Variants in PPM1H observed in about 807,000 individuals in gnomAD.
The protein encoded by PPM1H is protein phosphatase 1H.
Under a neutral mutation model 54.9 loss-of-function variants are expected in PPM1H, and 27 were observed. The observed-to-expected ratio is 0.49, with a 90% confidence interval of 0.36 to 0.68. The LOEUF (loss-of-function observed/expected upper bound fraction) is 0.68, where lower values mean the gene tolerates loss of function less well. Among genes scored for constraint, PPM1H ranks in the 30% least tolerant of loss-of-function variants. PPM1H has a pLI of 0.00. For synonymous variants in PPM1H, 305 were observed against 270.8 expected (o/e 1.13, Z -1.24); for missense variants, 596 against 667.8 (o/e 0.89, Z 1.19).
intron 8 of PPM1H, among the ~76,000 whole-genome samples, chr12:62,688,080 T>C (rs17676677): frequency 0.012 from 1,846 of 152,186 alleles, 24 homozygotes; most frequent in Non-Finnish European, 0.019. Context: ...TCCTGACTTA[T>C]GCCTTCCTGA....
intron 6 of PPM1H, among the ~76,000 whole-genome samples, chr12:62,695,918 A>G (rs4763191): frequency 0.067 from 10,249 of 152,220 alleles, 420 homozygotes; most frequent in Admixed American, 0.1. Context: ...CCGCACAGAG[A>G]GGATGCAGCA....
At chr12:62,843,320 AAAAC>A (rs144304577) in intron 1 of PPM1H, among the ~76,000 whole-genome samples, 13 of 152,118 alleles carry the variant, frequency 8.5e-5, no homozygotes, top group East Asian at 3.8e-4. Flanking sequence ...CTGTCTCAAA[AAAAC>A]AAACAAACAA....
intron 1 of PPM1H, among the ~76,000 whole-genome samples, chr12:62,880,312 T>A (rs1035207222): frequency 3.9e-5 from 6 of 152,220 alleles, no homozygotes; most frequent in African/African-American, 1.2e-4. Context: ...CCAGGATGAT[T>A]GTTGGGGCAG....
intron 1 of PPM1H, among the ~76,000 whole-genome samples, chr12:62,889,659 G>C (rs1870714950): frequency 6.6e-6 from 1 of 152,270 alleles, no homozygotes; most frequent in Middle Eastern, 3.4e-3. Flanking sequence ...AAAGGAGCAA[G>C]AGCAATACAA....
At chr12:62,866,656 T>A (rs1246533031) in intron 1 of PPM1H, among the ~76,000 whole-genome samples, 1 of 152,126 alleles carries the variant, frequency 6.6e-6, no homozygotes, top group Admixed American at 6.5e-5. Flanking sequence ...CAGATGCCTA[T>A]GACTCCAGCT....
chr12:62,717,290 A>C (rs2076239987), intron 6 of PPM1H, among the ~76,000 whole-genome samples: 1 of 152,266 alleles, frequency 6.6e-6, no homozygotes, highest in Admixed American at 6.5e-5. Context: ...GTGAGCCAAC[A>C]GCCGTTTGGG....
chr12:62,665,738 ATTTT>A (rs2075914439), intron 9 of PPM1H, among the ~76,000 whole-genome samples: 1 of 151,848 alleles, frequency 6.6e-6, no homozygotes, highest in African/African-American at 2.4e-5. Flanking sequence ...AATGCTTTAA[ATTTT>A]TTTGTTTGTT....
intron 1 of PPM1H, among the ~76,000 whole-genome samples, chr12:62,843,224 G>T (rs562691944): frequency 6.6e-6 from 1 of 152,190 alleles, no homozygotes; most frequent in Non-Finnish European, 1.5e-5. Flanking sequence ...GCTGAGGCAC[G>T]AGAATTGCTT....
chr12:62,685,251 T>C (rs568141505), intron 8 of PPM1H, among the ~76,000 whole-genome samples: 2 of 152,318 alleles, frequency 1.3e-5, no homozygotes, highest in South Asian at 2.1e-4. Context: ...ACCATCATTT[T>C]CCACAACTTC....
intron 8 of PPM1H, among the ~76,000 whole-genome samples, chr12:62,679,868 G>C (rs1056003619): frequency 6.6e-6 from 1 of 152,150 alleles, no homozygotes; most frequent in African/African-American, 2.4e-5. Context: ...TTCTTAATTA[G>C]CTAAACAGCT....
intron 6 of PPM1H, among the ~76,000 whole-genome samples, chr12:62,716,314 C>T (rs772952144): frequency 7.9e-5 from 12 of 152,296 alleles, no homozygotes; most frequent in Non-Finnish European, 1.6e-4. Context: ...TAGCTCTGTG[C>T]CTCAGTTTCC....
intron 1 of PPM1H, among the ~76,000 whole-genome samples, chr12:62,835,746 C>A (rs1225600900): frequency 6.6e-6 from 1 of 151,864 alleles, no homozygotes; most frequent in Non-Finnish European, 1.5e-5. Context: ...AAAAATGCCA[C>A]AACTCTTATC....
intron 9 of PPM1H, among the ~76,000 whole-genome samples, chr12:62,658,049 C>A (rs1231295296): frequency 9.9e-6 from 1 of 101,258 alleles, no homozygotes; most frequent in Non-Finnish European, 1.9e-5. Context: ...TCATTAAATC[C>A]AGGTTACAAA....
At chr12:62,826,413 C>A (rs1868291918) in intron 2 of PPM1H, among the ~76,000 whole-genome samples, 2 of 152,156 alleles carry the variant, frequency 1.3e-5, no homozygotes, top group African/African-American at 4.8e-5. Context: ...TATGCCACTG[C>A]ACTCCAGCCT....
At chr12:62,925,947 C>T (rs1163428250) in intron 1 of PPM1H, among the ~76,000 whole-genome samples, 3 of 152,206 alleles carry the variant, frequency 2.0e-5, no homozygotes, top group Non-Finnish European at 4.4e-5. Context: ...TATTTGTTGA[C>T]TGAGTTATCT....
chr12:62,702,037 T>A (rs1321861355), intron 6 of PPM1H, among the ~76,000 whole-genome samples: 1 of 152,186 alleles, frequency 6.6e-6, no homozygotes, highest in Non-Finnish European at 1.5e-5. Flanking sequence ...AAGGCTGGTA[T>A]CTCTCCCTTA....
At chr12:62,770,118 C>T (rs1191148940) in intron 4 of PPM1H, among the ~76,000 whole-genome samples, 1 of 150,852 alleles carries the variant, frequency 6.6e-6, no homozygotes, top group African/African-American at 2.4e-5. Context: ...AATTGGGGTC[C>T]CTAGTTTTTA....
intron 6 of PPM1H, among the ~76,000 whole-genome samples, chr12:62,710,074 C>CAA (rs1241521556): frequency 9.9e-4 from 143 of 144,274 alleles, no homozygotes; most frequent in African/African-American, 3.5e-3. Context: ...AACTCCGTCT[C>CAA]AAAAAAAAAA....
chr12:62,768,010 AT>A, intron 4 of PPM1H, among the ~76,000 whole-genome samples: 1 of 152,292 alleles, frequency 6.6e-6, no homozygotes, highest in South Asian at 2.1e-4. Flanking sequence ...CCAAGATCCC[AT>A]TTCCAAGTAA....
Sources: gnomAD v4.1 joint callset for allele counts (sites outside exome capture counted in the v4.1 genomes callset) on GRCh38, gnomAD v4.1.1 for gene constraint, MANE v1.5 for transcripts, NCBI Gene and HGNC (gene_info 2026-07-23, HGNC 2026-07-21) for gene names.